CEP83: variants seen among roughly 807,000 people sequenced by gnomAD.
CEP83 encodes centrosomal protein of 83 kDa.
A neutral mutation model predicts 101.9 loss-of-function variants in CEP83; 70 were observed. The ratio of observed to expected loss-of-function variants is 0.69; its 90% CI spans 0.57 to 0.84. The LOEUF is 0.84. Ranked by LOEUF, CEP83 falls within the 40% of genes least tolerant of loss-of-function variation. CEP83 has a pLI of 0.00. For synonymous variants in CEP83, 264 were observed against 267.9 expected, an observed-to-expected ratio of 0.99 and a Z score of 0.14; for missense variants, 715 against 787.2, an observed-to-expected ratio of 0.91 and a Z score of 1.10.
chr12:94,396,510 G>A (rs1309768484), intron 6 of CEP83, among the ~76,000 whole-genome samples: 5 of 151,634 alleles, frequency 3.3e-5, no homozygotes, highest in Admixed American at 6.6e-5. Context: ...GGATGGTCTC[G>A]ATCTCCTGAC....
chr12:94,370,150 T>A, intron 8 of CEP83, 114 bp from the exon 9 acceptor site: 1 of 638,972 alleles, frequency 1.6e-6, no homozygotes, highest in South Asian at 2.0e-5. Flanking sequence ...AGAGTCTAAG[T>A]ATCTTCCAAG....
At chr12:94,453,218 C>T (rs1262743282) in intron 1 of CEP83, among the ~76,000 whole-genome samples, 1 of 152,212 alleles carries the variant, frequency 6.6e-6, no homozygotes, top group Non-Finnish European at 1.5e-5. Flanking sequence ...TGATTCTACA[C>T]AACTCTCACT....
intron 11 of CEP83, among the ~76,000 whole-genome samples, chr12:94,343,886 C>T (rs919526152): frequency 4.6e-5 from 7 of 152,142 alleles, no homozygotes; most frequent in Admixed American, 6.5e-5. Flanking sequence ...GACTACATTT[C>T]GAGATAGGGC....
the CEP83 span, chr12:94,278,180 C>T: frequency 5.3e-6 from 2 of 379,868 alleles, no homozygotes; most frequent in Non-Finnish European, 5.3e-6. Flanking sequence ...ATTACTTGAT[C>T]ATTTTACATT....
chr12:94,266,048 C>T, the CEP83 span, among the ~76,000 whole-genome samples: 3 of 152,132 alleles, frequency 2.0e-5, no homozygotes, highest in South Asian at 2.1e-4. Flanking sequence ...GGCTTCTTCA[C>T]GATCTCGTTA....
intron 11 of CEP83, among the ~76,000 whole-genome samples, chr12:94,363,313 C>T (rs1490379669): frequency 6.6e-6 from 1 of 152,172 alleles, no homozygotes; most frequent in East Asian, 1.9e-4. Flanking sequence ...AATTGTGTGT[C>T]AATTAAGTTT....
intron 4 of CEP83, among the ~76,000 whole-genome samples, chr12:94,409,918 G>C (rs2063776599): frequency 6.6e-6 from 1 of 151,962 alleles, no homozygotes; most frequent in South Asian, 2.1e-4. Flanking sequence ...GACCTCATCA[G>C]CTTAACTAAT....
chr12:94,439,604 T>G (rs1471892210), intron 1 of CEP83, among the ~76,000 whole-genome samples: 1 of 149,576 alleles, frequency 6.7e-6, no homozygotes, highest in Admixed American at 6.6e-5. Flanking sequence ...CTGAATTCTA[T>G]CAGACATTCA....
chr12:94,328,575 G>GTA (rs2059072562), intron 14 of CEP83, among the ~76,000 whole-genome samples: 1 of 152,166 alleles, frequency 6.6e-6, no homozygotes, highest in African/African-American at 2.4e-5. Flanking sequence ...AAGAATCTAA[G>GTA]AAGTCTGTTG....
intron 6 of CEP83, 82 bp from the exon 7 acceptor site, chr12:94,379,124 TA>T: frequency 1.7e-6 from 2 of 1,189,570 alleles, no homozygotes; most frequent in Non-Finnish European, 2.3e-6. Flanking sequence ...TCAGTAAAAT[TA>T]AAAAATGCAC....
chr12:94,391,180 T>C (rs1044248644), intron 6 of CEP83, among the ~76,000 whole-genome samples: 3 of 152,028 alleles, frequency 2.0e-5, no homozygotes, highest in African/African-American at 7.3e-5. Flanking sequence ...AATTTTCAGA[T>C]GCACCAAGGT....
chr12:94,352,949 A>C (rs1235911681), intron 11 of CEP83, among the ~76,000 whole-genome samples: 2 of 152,212 alleles, frequency 1.3e-5, no homozygotes, highest in Non-Finnish European at 2.9e-5. Flanking sequence ...ATAACTGTAG[A>C]GTTCCCAAGT....
chr12:94,284,888 A>G, the CEP83 span, among the ~76,000 whole-genome samples: 1 of 152,224 alleles, frequency 6.6e-6, no homozygotes, highest in African/African-American at 2.4e-5. Flanking sequence ...AGTATTTCAG[A>G]AAATGAGTGG....
intron 14 of CEP83, among the ~76,000 whole-genome samples, chr12:94,329,051 T>C (rs537472436): frequency 6.6e-6 from 1 of 152,222 alleles, no homozygotes; most frequent in Non-Finnish European, 1.5e-5. Context: ...GTGTCCCACA[T>C]AGTAGGACAA....
At chr12:94,372,836 A>G (rs1463501513) in intron 8 of CEP83, among the ~76,000 whole-genome samples, 1 of 152,226 alleles carries the variant, frequency 6.6e-6, no homozygotes, top group African/African-American at 2.4e-5. Context: ...CTCTGCATTC[A>G]AATGTACTCA....
At chr12:94,429,079 C>T (rs1301936056) in intron 2 of CEP83, among the ~76,000 whole-genome samples, 1 of 152,090 alleles carries the variant, frequency 6.6e-6, no homozygotes, top group African/African-American at 2.4e-5. Flanking sequence ...TTACCATGTG[C>T]ACATATTACC....
the CEP83 span, among the ~76,000 whole-genome samples, chr12:94,283,585 C>T: frequency 6.6e-6 from 1 of 152,148 alleles, no homozygotes; most frequent in African/African-American, 2.4e-5. Context: ...AATCAGTCTC[C>T]CTGAGCGTTC....
At chr12:94,375,666 A>G (rs962757921) in intron 8 of CEP83, among the ~76,000 whole-genome samples, 6 of 152,216 alleles carry the variant, frequency 3.9e-5, no homozygotes, top group African/African-American at 1.4e-4. Flanking sequence ...AATACAGAGA[A>G]CTAAACACAA....
chr12:94,282,729 G>T, the CEP83 span: 1 of 196,648 alleles, frequency 5.1e-6, no homozygotes, highest in African/African-American at 2.3e-5. Context: ...TGGGTGACAA[G>T]CGTGCTGATG....
Sources: gnomAD v4.1 joint callset for allele counts (sites outside exome capture counted in the v4.1 genomes callset) on GRCh38, gnomAD v4.1.1 for gene constraint, MANE v1.5 for transcripts, NCBI Gene and HGNC (gene_info 2026-07-23, HGNC 2026-07-21) for gene names.